The following KIF25 variants were observed in gnomAD, a reference collection of about 807,000 sequenced individuals.
KIF25 encodes the protein kinesin family member 25.
In KIF25, 19 loss-of-function variants were observed where a neutral mutation model predicts 32.9. The ratio of observed to expected loss-of-function variants is 0.58; its 90% CI spans 0.40 to 0.85. The LOEUF is 0.85. Ranked by LOEUF, KIF25 falls within the 40% of genes least tolerant of loss-of-function variation. The pLI, the probability that KIF25 is intolerant of heterozygous loss-of-function variation, is 0.00. For missense variants in KIF25, 485 were observed against 507.0 expected, an observed-to-expected ratio of 0.96 and a Z score of 0.42; for synonymous variants, 225 against 213.7, an observed-to-expected ratio of 1.05 and a Z score of -0.46.
chr6:168,008,879 T>C (rs1160749455), intron 4 of KIF25, among the ~76,000 whole-genome samples: 1 of 152,290 alleles, frequency 6.6e-6, no homozygotes, highest in East Asian at 1.9e-4. Flanking sequence ...TTTCATTTAG[T>C]TCATTGCTCA....
chr6:168,039,170 A>ATCTT (rs1799079615), intron 9 of KIF25, among the ~76,000 whole-genome samples: 1 of 152,224 alleles, frequency 6.6e-6, no homozygotes, highest in Non-Finnish European at 1.5e-5. Flanking sequence ...AAATAAATGT[A>ATCTT]TCTTTAAAAA....
chr6:168,003,151 C>A (rs1798530081), intron 3 of KIF25, among the ~76,000 whole-genome samples: 1 of 152,258 alleles, frequency 6.6e-6, no homozygotes, highest in Middle Eastern at 3.4e-3. Context: ...CTAAACTGCG[C>A]ATGAAGGAGA....
chr6:168,007,273 G>C (rs1372037552), intron 4 of KIF25, among the ~76,000 whole-genome samples: 3 of 152,134 alleles, frequency 2.0e-5, no homozygotes, highest in Non-Finnish European at 2.9e-5. Context: ...TTAGCTGGGC[G>C]TGGTGGTGGG....
chr6:168,011,940 C>T (rs948120426), intron 4 of KIF25, among the ~76,000 whole-genome samples: 1 of 152,048 alleles, frequency 6.6e-6, no homozygotes, highest in Middle Eastern at 3.4e-3. Flanking sequence ...TTTTTCCTTC[C>T]TATTTGGTCT....
chr6:168,018,482 C>T (rs1798745305), intron 5 of KIF25, among the ~76,000 whole-genome samples: 1 of 152,218 alleles, frequency 6.6e-6, no homozygotes, highest in Non-Finnish European at 1.5e-5. Context: ...TTTCTCAGGT[C>T]ACAACCCCAT....
intron 5 of KIF25, among the ~76,000 whole-genome samples, chr6:168,021,657 A>T (rs1798789822): frequency 6.6e-6 from 1 of 152,178 alleles, no homozygotes; most frequent in South Asian, 2.1e-4. Flanking sequence ...CCAATCCTGA[A>T]ACTCCAAACC....
intron 5 of KIF25, 42 bp from the exon 6 acceptor site, chr6:168,029,450 C>A: frequency 2.2e-6 from 3 of 1,354,684 alleles, no homozygotes; most frequent in Non-Finnish European, 3.0e-6. Context: ...AAGGCATGGT[C>A]GTGGTAATAC....
intron 4 of KIF25, among the ~76,000 whole-genome samples, chr6:168,010,012 T>C (rs758402367): frequency 6.6e-6 from 1 of 152,000 alleles, no homozygotes; most frequent in Non-Finnish European, 1.5e-5. Flanking sequence ...ATTTTAAAAA[T>C]TAACTTTGTT....
chr6:168,020,611 G>A (rs183256321), intron 5 of KIF25, among the ~76,000 whole-genome samples: 8 of 152,264 alleles, frequency 5.3e-5, no homozygotes, highest in East Asian at 1.9e-4. Context: ...GTGTACTTTC[G>A]TATGGTCCTT....
At chr6:168,032,090 A>G (rs534865572) in intron 7 of KIF25, among the ~76,000 whole-genome samples, 1 of 152,356 alleles carries the variant, frequency 6.6e-6, no homozygotes, top group South Asian at 2.1e-4. Flanking sequence ...GCAGCTTCAG[A>G]GAGAACAGAG....
Position 168,041,990 on chromosome 6 carries a change from C to T in KIF25, c.668C>T (p.Thr223Ile). 1 of 1,551,892 alleles carries T rather than the reference C, an allele frequency of 6.4e-7. No homozygotes were observed. The highest frequency in any genetic ancestry group is 8.7e-7 in the Non-Finnish European group (1 of 1,147,230). ...DSTADQACSA[T>I]LPREQTEAGR... ...GCAGCAGACCAAGCCTGCAGTGCCA[C>T]CCTCCCCAGGGAGCAAACAGAGGCA... Residue 223 changes from threonine (T) to isoleucine (I), a missense_variant, in exon 11 of 13, where the codon ACC (threonine) becomes ATC (isoleucine). Thr to Ile is a moderately conservative substitution (Grantham distance 89). This residue lies in a region of KIF25 where 480 missense variants were observed against 470.3 expected (regional missense o/e 1.02). Transcript: ENST00000643607.
intron 5 of KIF25, among the ~76,000 whole-genome samples, chr6:168,027,768 C>T (rs1429367197): frequency 1.3e-5 from 2 of 152,194 alleles, no homozygotes; most frequent in Non-Finnish European, 2.9e-5. Context: ...GGGTGAGAAA[C>T]GGGTTCTCTG....
intron 5 of KIF25, among the ~76,000 whole-genome samples, chr6:168,025,818 G>A (rs978197855): frequency 2.0e-5 from 3 of 152,212 alleles, no homozygotes; most frequent in African/African-American, 4.8e-5. Context: ...CTTTCCCCAC[G>A]CGGCTTACAC....
At chr6:168,007,464 A>C (rs1798594502) in intron 4 of KIF25, among the ~76,000 whole-genome samples, 1 of 152,188 alleles carries the variant, frequency 6.6e-6, no homozygotes, top group African/African-American at 2.4e-5. Flanking sequence ...AATGATTACC[A>C]CAGTCAATGG....
At chr6:168,016,339 C>T (rs1798713489) in intron 4 of KIF25, among the ~76,000 whole-genome samples, 1 of 152,252 alleles carries the variant, frequency 6.6e-6, no homozygotes, top group Admixed American at 6.5e-5. Flanking sequence ...TCAGCAGAGA[C>T]ATAAGCTTCT....
chr6:168,012,944 G>T (rs1303679778), intron 4 of KIF25, among the ~76,000 whole-genome samples: 1 of 152,124 alleles, frequency 6.6e-6, no homozygotes, highest in Non-Finnish European at 1.5e-5. Flanking sequence ...AGGCTGTGTG[G>T]CTGGCCTGGG....
chr6:168,009,977 A>C (rs1284188349), intron 4 of KIF25, among the ~76,000 whole-genome samples: 1 of 151,730 alleles, frequency 6.6e-6, no homozygotes, highest in Non-Finnish European at 1.5e-5. Context: ...TAGTCTGGCT[A>C]ATGGTTTGTT....
At chr6:168,025,819 C>A (rs563416494) in intron 5 of KIF25, among the ~76,000 whole-genome samples, 2 of 152,196 alleles carry the variant, frequency 1.3e-5, no homozygotes, top group Non-Finnish European at 2.9e-5. Context: ...TTTCCCCACG[C>A]GGCTTACACA....
intron 5 of KIF25, among the ~76,000 whole-genome samples, chr6:168,021,450 C>T (rs954488855): frequency 2.0e-5 from 3 of 152,216 alleles, no homozygotes; most frequent in East Asian, 1.9e-4. Context: ...AAATGACGCA[C>T]GAGTTTACAT....
Sources: allele counts gnomAD v4.1 joint callset (sites outside exome capture counted in the v4.1 genomes callset), GRCh38; gene constraint gnomAD v4.1.1; regional missense constraint gnomAD v4.1.1; transcripts MANE v1.5; gene names NCBI Gene and HGNC (gene_info 2026-07-23, HGNC 2026-07-21).